Variants in CDH8 observed in about 807,000 individuals in gnomAD.
CDH8 encodes the protein cadherin 8.
CDH8 carries 17 observed loss-of-function variants against 68.1 expected under a neutral mutation model. The ratio of observed to expected loss-of-function variants is 0.25; its 90% CI spans 0.17 to 0.37. The LOEUF (loss-of-function observed/expected upper bound fraction) is 0.37. CDH8 is among the 10% of genes least tolerant of loss of function. The pLI is 1.00. For missense variants in CDH8, 763 were observed against 999.3 expected (o/e 0.76, Z 3.19); for synonymous variants, 372 against 365.1 (o/e 1.02, Z -0.21).
At chr16:61,774,477 A>G (rs1567464338) in intron 8 of CDH8, among the ~76,000 whole-genome samples, 1 of 143,612 alleles carries the variant, frequency 7.0e-6, no homozygotes. Context: ...AAAAAAAAAA[A>G]GACATAAAGA....
Position 61,789,486 on chromosome 16 carries a change from C to T in CDH8, c.1278-4G>A. The T allele has an allele frequency of 6.2e-7, 1 of 1,611,946 alleles. No homozygotes were observed. The highest frequency in any genetic ancestry group is 1.3e-5 in the African/African-American group (1 of 74,898). On this transcript the variant is annotated splice_region_variant and splice_polypyrimidine_tract_variant and intron_variant, in intron 7 of 11. Coordinates refer to ENST00000577390, the MANE Select transcript of CDH8 (RefSeq NM_001796.5). ...AGTGTGCCGGTCGATGGAAAACCTA[C>T]AAAACAGACACATCTGTAATCTACT...
chr16:61,706,644 A>AAAAAAAAAAAAAAAAAAAT (rs1468847521), intron 10 of CDH8, among the ~76,000 whole-genome samples: 1 of 148,134 alleles, frequency 6.8e-6, no homozygotes, highest in African/African-American at 2.5e-5. Flanking sequence ...AAAAAAAAAA[A>AAAAAAAAAAAAAAAAAAAT]GTGTAACTGG....
At chr16:61,815,881 T>C (rs1170493899) in intron 7 of CDH8, among the ~76,000 whole-genome samples, 1 of 152,106 alleles carries the variant, frequency 6.6e-6, no homozygotes, top group African/African-American at 2.4e-5. Context: ...AATATCATTG[T>C]CCCCATTAAT....
At chr16:61,961,270 G>A (rs369794668) in intron 2 of CDH8, among the ~76,000 whole-genome samples, 4 of 151,740 alleles carry the variant, frequency 2.6e-5, no homozygotes, top group African/African-American at 9.7e-5. Flanking sequence ...AGCTGATATC[G>A]CACCACTGCT....
chr16:61,842,136 T>G (rs967816539), intron 4 of CDH8, among the ~76,000 whole-genome samples: 11 of 151,572 alleles, frequency 7.3e-5, no homozygotes, highest in Non-Finnish European at 1.5e-4. Context: ...CTCGATTTCC[T>G]GACCTCGTGA....
intron 8 of CDH8, among the ~76,000 whole-genome samples, chr16:61,761,358 T>C (rs1960462549): frequency 1.3e-5 from 2 of 152,326 alleles, no homozygotes; most frequent in African/African-American, 4.8e-5. Context: ...AAGCTTTAGA[T>C]ACATATTCAA....
intron 1 of CDH8, chr16:62,035,253 T>C (rs1433800129): frequency 6.6e-6 from 1 of 152,270 alleles, no homozygotes; most frequent in East Asian, 1.9e-4. Context: ...CCCTCAAAGG[T>C]TCCCGGATGA....
At chr16:61,996,713 A>G (rs1406483805) in intron 2 of CDH8, among the ~76,000 whole-genome samples, 1 of 152,170 alleles carries the variant, frequency 6.6e-6, no homozygotes, top group Non-Finnish European at 1.5e-5. Context: ...AGTTTATTAC[A>G]TCTCTGATTA....
intron 10 of CDH8, among the ~76,000 whole-genome samples, chr16:61,689,184 G>A (rs574831159): frequency 6.6e-6 from 1 of 152,018 alleles, no homozygotes; most frequent in African/African-American, 2.4e-5. Flanking sequence ...CCTTCTCTCT[G>A]TTACACAAAA....
chr16:61,682,637 C>T (rs976847066), intron 10 of CDH8, among the ~76,000 whole-genome samples: 1 of 148,332 alleles, frequency 6.7e-6, no homozygotes, highest in African/African-American at 2.5e-5. Flanking sequence ...CCTTCATCAG[C>T]CCTCATTTTA....
chr16:61,991,825 A>C (rs1236845918), intron 2 of CDH8, among the ~76,000 whole-genome samples: 2 of 152,124 alleles, frequency 1.3e-5, no homozygotes, highest in African/African-American at 4.8e-5. Context: ...ATAAAATGCC[A>C]CCACTCCCCA....
At chr16:61,693,503 T>A (rs2142835139) in intron 10 of CDH8, 1 of 152,238 alleles carries the variant, frequency 6.6e-6, no homozygotes, top group East Asian at 1.9e-4. Context: ...AAGGTGTAGG[T>A]GCCCTTTGCT....
intron 3 of CDH8, among the ~76,000 whole-genome samples, chr16:61,887,944 C>T (rs1963706737): frequency 1.3e-5 from 2 of 152,196 alleles, no homozygotes; most frequent in Non-Finnish European, 2.9e-5. Context: ...GCTGTGGCTT[C>T]ATTCTCTATC....
intron 3 of CDH8, among the ~76,000 whole-genome samples, chr16:61,860,809 C>A (rs968364478): frequency 8.5e-5 from 13 of 152,086 alleles, no homozygotes; most frequent in Admixed American, 8.5e-4. Flanking sequence ...GAAATGCCTT[C>A]ACAGAGAAAA....
At position 61,833,559 on chromosome 16, in the gene CDH8, T is replaced by C. The variant is rs375952332; in HGVS notation, c.668-8380A>G. Among the ~76,000 whole-genome samples, 47 of 152,034 alleles carry C rather than the reference T, an allele frequency of 3.1e-4. No homozygotes were observed. The Middle Eastern group carries it at 0.017, about 55-fold the overall frequency. On this transcript the variant is annotated intron_variant, in intron 4 of 11. Coordinates refer to ENST00000577390, the MANE Select transcript of CDH8 (RefSeq NM_001796.5). ...TCTCTCACCAATTTCAAAAAAGTAA[T>C]GCTTCCACAGTGATTTCCAGGTAAC...
chr16:61,653,440 T>C lies in CDH8; in HGVS notation c.*168A>G, dbSNP rs1963368772. 7.1e-7 allele frequency: 1 copy of C among 1,415,414 alleles called. No homozygotes were observed. The highest frequency in any genetic ancestry group is 9.2e-7 in the Non-Finnish European group (1 of 1,086,224). 87.7% of individuals were successfully genotyped at this position (1,415,414 alleles called of 1,614,324 possible). On this transcript the variant is annotated 3_prime_UTR_variant, in exon 12 of 12. Transcript: ENST00000577390. ...TTTATAACCTCCTAACATATACTTT[T>C]TTATTTTATTATCTTTTTTTGGTTC...
chr16:61,795,362 T>C (rs1020347589), intron 7 of CDH8, among the ~76,000 whole-genome samples: 5 of 151,968 alleles, frequency 3.3e-5, no homozygotes, highest in East Asian at 1.9e-4. Flanking sequence ...CCACATAAAA[T>C]AGAATAAAAA....
At chr16:61,687,922 A>G (rs1964140035) in intron 10 of CDH8, among the ~76,000 whole-genome samples, 2 of 152,022 alleles carry the variant, frequency 1.3e-5, no homozygotes, top group Admixed American at 6.6e-5. Flanking sequence ...CACGATTTCA[A>G]TCAGTTCCCA....
At chr16:61,771,231 T>A (rs2142985840) in intron 8 of CDH8, among the ~76,000 whole-genome samples, 1 of 151,938 alleles carries the variant, frequency 6.6e-6, no homozygotes, top group East Asian at 1.9e-4. Flanking sequence ...CTTCTTTTTA[T>A]ATCTTTACTT....
Sources: allele counts gnomAD v4.1 joint callset (sites outside exome capture counted in the v4.1 genomes callset), GRCh38; gene constraint gnomAD v4.1.1; transcripts MANE v1.5; gene names NCBI Gene and HGNC (gene_info 2026-07-23, HGNC 2026-07-21).